Variants in PAX7 observed in about 807,000 individuals in gnomAD.
PAX7 encodes paired box protein Pax-7.
PAX7 carries 18 observed loss-of-function variants against 50.7 expected under a neutral mutation model. The ratio of observed to expected loss-of-function variants is 0.36; its 90% CI spans 0.25 to 0.53. PAX7 has a LOEUF of 0.53. Among genes scored for constraint, PAX7 ranks in the 20% least tolerant of loss-of-function variants. The pLI, the probability that PAX7 is intolerant of heterozygous loss-of-function variation, is 0.93. For missense variants in PAX7, 644 were observed against 702.9 expected (o/e 0.92, Z 0.95); for synonymous variants, 310 against 290.4 (o/e 1.07, Z -0.69).
At chr1:18,673,486 G>T (rs983615157) in intron 4 of PAX7, among the ~76,000 whole-genome samples, 11 of 152,156 alleles carry the variant, frequency 7.2e-5, no homozygotes, top group Admixed American at 7.2e-4. Context: ...CTAGTTTAAT[G>T]TAACTAACCT....
intron 5 of PAX7, among the ~76,000 whole-genome samples, chr1:18,694,201 C>T (rs887256207): frequency 5.9e-5 from 9 of 152,152 alleles, no homozygotes; most frequent in Non-Finnish European, 1.2e-4. Flanking sequence ...GTGGTTCACT[C>T]CTGTAATCCC....
chr1:18,632,386 A>C lies in PAX7; in HGVS notation c.85+698A>C, dbSNP rs2088068976. Among the ~76,000 whole-genome samples the C allele has an allele frequency of 6.6e-6, 1 of 152,078 alleles. No individual in the cohort carries two copies. The highest frequency in any genetic ancestry group is 2.4e-5 in the African/African-American group (1 of 41,414). ...GGCACGGCAATGTCCAAACGAGAAG[A>C]AAGAGCTGATTTTGTAAAGCGTCCT... is the stretch of plus-strand genomic sequence containing the variant. On this transcript the variant is annotated intron_variant, in intron 1 of 8. Transcript: ENST00000420770. The surrounding 1 kb of genome is among the most constrained non-coding windows in gnomAD (Gnocchi z 6.3).
At chr1:18,704,813 G>A (rs1338452945) in intron 7 of PAX7, among the ~76,000 whole-genome samples, 1 of 152,020 alleles carries the variant, frequency 6.6e-6, no homozygotes, top group East Asian at 1.9e-4. Flanking sequence ...AGGGTTAATT[G>A]CCTTTCAGCT....
chr1:18,716,390 G>A (rs559132241), intron 7 of PAX7, among the ~76,000 whole-genome samples: 1 of 151,634 alleles, frequency 6.6e-6, no homozygotes, highest in Admixed American at 6.6e-5. Flanking sequence ...AGCCCAGCCA[G>A]GCCTGCCTTT....
At chr1:18,738,712 C>T (rs1346339965) in intron 8 of PAX7, among the ~76,000 whole-genome samples, 1 of 152,134 alleles carries the variant, frequency 6.6e-6, no homozygotes, top group East Asian at 1.9e-4. Flanking sequence ...AGCACAGACC[C>T]CAACTCACCC....
At chr1:18,707,994 C>A (rs1246097471) in intron 7 of PAX7, among the ~76,000 whole-genome samples, 2 of 152,112 alleles carry the variant, frequency 1.3e-5, no homozygotes, top group Non-Finnish European at 2.9e-5. Flanking sequence ...TTTAGATACC[C>A]TTGAGGCTTG....
At chr1:18,714,376 T>C (rs919027598) in intron 7 of PAX7, among the ~76,000 whole-genome samples, 5 of 152,182 alleles carry the variant, frequency 3.3e-5, no homozygotes, top group African/African-American at 1.2e-4. Context: ...GAGAATTAAA[T>C]GCGATTGTTC....
intron 5 of PAX7, among the ~76,000 whole-genome samples, chr1:18,693,367 A>G (rs2089103742): frequency 6.6e-6 from 1 of 152,172 alleles, no homozygotes; most frequent in Non-Finnish European, 1.5e-5. Context: ...CACCCCCTGC[A>G]AGCCACGGGT....
At chr1:18,678,416 G>C (rs973579966) in intron 4 of PAX7, among the ~76,000 whole-genome samples, 2 of 151,282 alleles carry the variant, frequency 1.3e-5, no homozygotes, top group South Asian at 2.1e-4. Flanking sequence ...AAAAAAAAAA[G>C]TGTTCTAGAA....
intron 6 of PAX7, among the ~76,000 whole-genome samples, chr1:18,702,767 TTAACAG>T (rs1338546121): frequency 6.6e-6 from 1 of 152,198 alleles, no homozygotes; most frequent in Non-Finnish European, 1.5e-5. Context: ...ACTGGGTAGA[TTAACAG>T]AGTCCCCATC....
intron 5 of PAX7, among the ~76,000 whole-genome samples, chr1:18,698,282 C>CACACAT (rs1172774161): frequency 2.6e-5 from 4 of 151,774 alleles, no homozygotes; most frequent in Non-Finnish European, 4.4e-5. Flanking sequence ...TACACACACA[C>CACACAT]ACACACACAC....
At position 18,711,130 on chromosome 1, in the gene PAX7, G is replaced by A. The variant is rs529444293; in HGVS notation, c.1155+7834G>A. Reference sequence around the variant, plus strand: ...CCATGGGTAGAAGGAAGCCTGGAGCGAGAGAAACTGTGCCACCTGTGCCAA... The same window carrying A: ...CCATGGGTAGAAGGAAGCCTGGAGCAAGAGAAACTGTGCCACCTGTGCCAA... On this transcript the variant is annotated intron_variant, in intron 7 of 8. Transcript: ENST00000420770. Among the ~76,000 whole-genome samples the A allele has an allele frequency of 1.0e-3, 157 of 152,296 alleles. 1 individual carries two copies. The highest frequency in any genetic ancestry group is 5.4e-4 in the Non-Finnish European group (37 of 68,026).
chr1:18,717,473 C>T lies in PAX7; in HGVS notation c.1155+14177C>T, dbSNP rs530432514. Among the ~76,000 whole-genome samples the T allele has an allele frequency of 7.9e-5, 12 of 152,334 alleles. No individual in the cohort carries two copies. In the South Asian group the frequency reaches 1.7e-3, roughly 21 times the overall value. On this transcript the variant is annotated intron_variant, in intron 7 of 8. Coordinates refer to ENST00000420770, the MANE Select transcript of PAX7 (RefSeq NM_001135254.2). ...TCCACCTAGAACCTTCTTGCCCCTCCTCTCCTCGCTTAGCCAGCTCTGCTC... is the reference window on the plus strand; with the variant it reads ...TCCACCTAGAACCTTCTTGCCCCTCTTCTCCTCGCTTAGCCAGCTCTGCTC...
At chr1:18,736,315 A>C (rs955197698) in intron 8 of PAX7, among the ~76,000 whole-genome samples, 24 of 152,024 alleles carry the variant, frequency 1.6e-4, no homozygotes, top group African/African-American at 5.1e-4. Flanking sequence ...AAATACAAAA[A>C]TTAGCCAGGC....
rs766318543 is a variant in PAX7, at chr1:18,691,745, C to T, written c.587-9C>T. On this transcript the variant is annotated splice_polypyrimidine_tract_variant and intron_variant, in intron 4 of 8. Transcript: ENST00000420770. ...CCCTGCCTTCTCCCTCCCTCTCCTCCGGCTGTAGGGAACCGGCTGGACGAG... is the reference window on the plus strand; with the variant it reads ...CCCTGCCTTCTCCCTCCCTCTCCTCTGGCTGTAGGGAACCGGCTGGACGAG... 33 of 1,561,600 alleles carry T rather than the reference C, an allele frequency of 2.1e-5. No homozygotes were observed. Among genetic ancestry groups the T allele is most frequent in the Middle Eastern group, 3.3e-4 (2 of 5,990 alleles).
intron 4 of PAX7, among the ~76,000 whole-genome samples, chr1:18,672,413 G>A (rs2088763626): frequency 1.3e-5 from 2 of 152,012 alleles, no homozygotes; most frequent in African/African-American, 2.4e-5. Flanking sequence ...GGAAATAAAT[G>A]TCCTCAGGAT....
intron 7 of PAX7, among the ~76,000 whole-genome samples, chr1:18,725,983 T>TGC (rs773722660): frequency 1.7e-3 from 239 of 143,876 alleles, no homozygotes; most frequent in African/African-American, 6.1e-3. Flanking sequence ...TGGAAGAGTG[T>TGC]GTGTGTGTGT....
At chr1:18,717,074 T>C (rs757330258) in intron 7 of PAX7, among the ~76,000 whole-genome samples, 1 of 151,636 alleles carries the variant, frequency 6.6e-6, no homozygotes, top group Non-Finnish European at 1.5e-5. Flanking sequence ...CTTTGATCCA[T>C]GGCCCGAGGC....
At chr1:18,637,806 C>T (rs1468213829) in intron 4 of PAX7, among the ~76,000 whole-genome samples, 2 of 152,270 alleles carry the variant, frequency 1.3e-5, no homozygotes, top group African/African-American at 4.8e-5. Context: ...CCTAGTGATG[C>T]CGCAGTCCCG....
Sources: allele counts gnomAD v4.1 joint callset (sites outside exome capture counted in the v4.1 genomes callset), GRCh38; gene constraint gnomAD v4.1.1; non-coding constraint Gnocchi (gnomAD v3.1); transcripts MANE v1.5; gene names NCBI Gene and HGNC (gene_info 2026-07-23, HGNC 2026-07-21).